CNOT6L: variants seen among roughly 807,000 people sequenced by gnomAD.
The protein encoded by CNOT6L is CCR4-NOT transcription complex subunit 6 like, also known as CCR4-NOT transcription complex subunit 6-like.
In CNOT6L, 7 loss-of-function variants were observed where a neutral mutation model predicts 64.0. That is an observed-to-expected ratio of 0.11 (90% CI 0.06 to 0.21). CNOT6L has a LOEUF of 0.21. CNOT6L is among the 10% of genes least tolerant of loss of function. The probability of loss-of-function intolerance (pLI) is 1.00; values close to 1 mark genes in which losing one functional copy is unlikely to be tolerated. For missense variants in CNOT6L, 245 were observed against 669.0 expected, an observed-to-expected ratio of 0.37 and a Z score of 6.99; for synonymous variants, 193 against 243.4, an observed-to-expected ratio of 0.79 and a Z score of 1.93.
chr4:77,817,918 A>G (rs1242457754), intron 1 of CNOT6L, among the ~76,000 whole-genome samples: 1 of 152,252 alleles, frequency 6.6e-6, no homozygotes, highest in African/African-American at 2.4e-5. Context: ...GTTGGAGTAG[A>G]AAAGCACATT....
At chr4:77,748,909 A>C (rs1296633108) in intron 5 of CNOT6L, among the ~76,000 whole-genome samples, 1 of 152,174 alleles carries the variant, frequency 6.6e-6, no homozygotes, top group Non-Finnish European at 1.5e-5. Flanking sequence ...ATGCAGAAAA[A>C]AGGTAGGCAC....
At chr4:77,734,410 T>C (rs1722742954) in intron 8 of CNOT6L, among the ~76,000 whole-genome samples, 1 of 152,210 alleles carries the variant, frequency 6.6e-6, no homozygotes, top group African/African-American at 2.4e-5. Flanking sequence ...GGACATTTCC[T>C]ATAACATTTA....
intron 5 of CNOT6L, among the ~76,000 whole-genome samples, chr4:77,749,978 G>A (rs1724674198): frequency 6.6e-6 from 1 of 152,004 alleles, no homozygotes; most frequent in Admixed American, 6.5e-5. Context: ...ATAGTAAATG[G>A]CTAAATAATA....
intron 4 of CNOT6L, among the ~76,000 whole-genome samples, chr4:77,771,078 G>C (rs1727489037): frequency 6.6e-6 from 1 of 152,204 alleles, no homozygotes; most frequent in South Asian, 2.1e-4. Flanking sequence ...CCAGCACTTT[G>C]AGAGGCTGAG....
At chr4:77,734,485 T>C (rs1445607351) in intron 8 of CNOT6L, among the ~76,000 whole-genome samples, 1 of 152,204 alleles carries the variant, frequency 6.6e-6, no homozygotes, top group Non-Finnish European at 1.5e-5. Flanking sequence ...CCATAATTTA[T>C]TTAACCTGTG....
intron 1 of CNOT6L, among the ~76,000 whole-genome samples, chr4:77,793,666 G>GC: frequency 6.6e-6 from 1 of 152,242 alleles, no homozygotes; most frequent in Non-Finnish European, 1.5e-5. Flanking sequence ...GTACTAAGCA[G>GC]CAGCCACTGA....
chr4:77,721,165 T>C lies in CNOT6L; in HGVS notation c.1456-522A>G, dbSNP rs565549412. ...AGCTTTCCCAGATTTGCTACATACA[T>C]ACAAAACACTACACAGTTAACTATT... On this transcript the variant is annotated intron_variant, in intron 11 of 11. Coordinates refer to ENST00000504123, the MANE Select transcript of CNOT6L (RefSeq NM_144571.3). Among the ~76,000 whole-genome samples the C allele has an allele frequency of 1.6e-3, 244 of 152,198 alleles. 2 individuals carry two copies. The highest frequency in any genetic ancestry group is 3.0e-3 in the Non-Finnish European group (204 of 68,018).
chr4:77,779,814 A>G (rs1577977018), intron 1 of CNOT6L, among the ~76,000 whole-genome samples: 1 of 152,240 alleles, frequency 6.6e-6, no homozygotes, highest in East Asian at 1.9e-4. Flanking sequence ...AATACAAAAA[A>G]TTAGCCGGGT....
At chr4:77,819,052 A>ACACACACACACACACACACACACC in intron 1 of CNOT6L, 1 of 650,926 alleles carries the variant, frequency 1.5e-6, no homozygotes, top group East Asian at 2.9e-5. Context: ...CACCCCCGAC[A>ACACACACACACACACACACACACC]CACACACACA....
chr4:77,749,435 CAG>C (rs1227725547), intron 5 of CNOT6L, among the ~76,000 whole-genome samples: 1 of 152,090 alleles, frequency 6.6e-6, no homozygotes, highest in East Asian at 1.9e-4. Flanking sequence ...AATATAGAAA[CAG>C]AAAGAGTAAA....
chr4:77,775,754 G>A (rs1386003887), intron 2 of CNOT6L, among the ~76,000 whole-genome samples: 1 of 152,092 alleles, frequency 6.6e-6, no homozygotes, highest in Non-Finnish European at 1.5e-5. Context: ...ATCAAGTTAG[G>A]TATTTTGCAC....
At chr4:77,770,579 CAAA>C (rs983841828) in intron 4 of CNOT6L, among the ~76,000 whole-genome samples, 2 of 151,328 alleles carry the variant, frequency 1.3e-5, no homozygotes, top group Non-Finnish European at 2.9e-5. Context: ...AATAGACTCT[CAAA>C]GAAGTTTAGA....
rs760476622 is a variant in CNOT6L, at chr4:77,716,606, CCA to C, written c.*3823_*3824del. 2.6e-5 allele frequency: 4 copies of C among 152,362 alleles called. No homozygotes were observed. The highest frequency in any genetic ancestry group is 5.9e-5 in the Non-Finnish European group (4 of 67,986). 9.4% of individuals were successfully genotyped at this position (152,362 alleles called of 1,614,324 possible). A position where few individuals can be genotyped will look rare whatever the true frequency, so the allele number is the denominator to read the frequency against. On this transcript the variant is annotated 3_prime_UTR_variant, in exon 12 of 12. Transcript: ENST00000504123. ...ATGGAACACTATATTTGCCCATGTT[CCA>C]GTTTTAATGTGCCACATCCTCAATT...
chr4:77,806,504 A>G (rs1732237560), intron 1 of CNOT6L, among the ~76,000 whole-genome samples: 1 of 152,202 alleles, frequency 6.6e-6, no homozygotes, highest in East Asian at 1.9e-4. Flanking sequence ...CTTTAATAGT[A>G]GTACTGATAA....
At chr4:77,781,376 T>A (rs1056789788) in intron 1 of CNOT6L, among the ~76,000 whole-genome samples, 6 of 152,138 alleles carry the variant, frequency 3.9e-5, no homozygotes, top group African/African-American at 1.4e-4. Flanking sequence ...TAAAAAATAT[T>A]TAATGTATTT....
At chr4:77,782,654 T>C (rs1728994062) in intron 1 of CNOT6L, among the ~76,000 whole-genome samples, 1 of 151,456 alleles carries the variant, frequency 6.6e-6, no homozygotes, top group Non-Finnish European at 1.5e-5. Context: ...TTTTTTTTTT[T>C]TTTTTTAAAG....
At position 77,756,923 on chromosome 4, in the gene CNOT6L, G is replaced by A; in HGVS notation, c.429C>T (p.Asn143=). ...KGNPLSQDIL[N]LYQDPDGTRK... is the part of the protein sequence containing the mutation. The stretch of plus-strand genomic sequence containing the variant: ...GGGTTCCATCTGGGTCCTGGTATAA[G>A]TTGAGAATATCCTGTGATAAAGGAT... Residue 143 remains asparagine, a synonymous_variant, in exon 5 of 12, where the codon AAC becomes AAT. Coordinates refer to ENST00000504123, the MANE Select transcript of CNOT6L (RefSeq NM_144571.3). 6.2e-7 allele frequency: 1 copy of A among 1,608,530 alleles called. No homozygotes were observed. Among genetic ancestry groups the A allele is most frequent in the Non-Finnish European group, 8.5e-7 (1 of 1,176,822 alleles).
Position 77,748,309 on chromosome 4 carries a change from T to G in CNOT6L, c.559+7A>C, listed in dbSNP as rs1046842064. The G allele has an allele frequency of 6.3e-7, 1 of 1,582,644 alleles. No individual in the cohort carries two copies. The highest frequency in any genetic ancestry group is 1.3e-5 in the African/African-American group (1 of 74,272). On this transcript the variant is annotated splice_region_variant and intron_variant, in intron 6 of 11. Coordinates refer to ENST00000504123, the MANE Select transcript of CNOT6L (RefSeq NM_144571.3). Reference sequence around the variant, plus strand: ...AAAAAAAAGGAAGAATAAGAAAAACTATTTACCTGACGGCAGAATTTGGTC... The same window carrying G: ...AAAAAAAAGGAAGAATAAGAAAAACGATTTACCTGACGGCAGAATTTGGTC...
intron 8 of CNOT6L, among the ~76,000 whole-genome samples, chr4:77,733,731 ATTC>A (rs1054239991): frequency 3.3e-5 from 5 of 152,036 alleles, no homozygotes; most frequent in Non-Finnish European, 4.4e-5. Flanking sequence ...GCTTTCCTGT[ATTC>A]TTCTCCCATT....
Sources: allele counts gnomAD v4.1 joint callset (sites outside exome capture counted in the v4.1 genomes callset), GRCh38; gene constraint gnomAD v4.1.1; transcripts MANE v1.5; gene names NCBI Gene and HGNC (gene_info 2026-07-23, HGNC 2026-07-21).